Variants in SLCO2A1 observed in about 807,000 individuals in gnomAD.
The protein encoded by SLCO2A1 is solute carrier organic anion transporter family member 2A1, also known as matrin F/G 1.
A neutral mutation model predicts 71.7 loss-of-function variants in SLCO2A1; 60 were observed. That is an observed-to-expected ratio of 0.84 (90% confidence interval 0.68 to 1.04). The LOEUF (loss-of-function observed/expected upper bound fraction) is 1.04. SLCO2A1 is among the 50% of genes least tolerant of loss of function. The pLI is 0.00. For synonymous variants in SLCO2A1, 308 were observed against 326.7 expected (o/e 0.94, Z 0.62); for missense variants, 745 against 813.4 (o/e 0.92, Z 1.02).
chr3:133,946,261 T>C (rs892370331), intron 9 of SLCO2A1, among the ~76,000 whole-genome samples: 4 of 117,122 alleles, frequency 3.4e-5, no homozygotes, highest in African/African-American at 6.7e-5. Flanking sequence ...ACAGAGAAAA[T>C]ACCAGGGCTG....
At chr3:133,997,780 TGAAGG>T (rs1451299258) in intron 1 of SLCO2A1, among the ~76,000 whole-genome samples, 4 of 152,266 alleles carry the variant, frequency 2.6e-5, no homozygotes, top group Non-Finnish European at 5.9e-5. Flanking sequence ...AGGTTTGGCC[TGAAGG>T]CAAGGGTAAG....
rs61277186 is a variant in SLCO2A1, at chr3:134,018,503, C to T, written c.96+11204G>A. On this transcript the variant is annotated intron_variant, in intron 1 of 13. Coordinates refer to ENST00000310926, the MANE Select transcript of SLCO2A1 (RefSeq NM_005630.3). ...CAGAAGTCACCAGGGCCACCGAAGC[C>T]AAGCTGTGAGGTTTGCCTTTCCCTT... Among the ~76,000 whole-genome samples the T allele has an allele frequency of 3.5e-4, 54 of 152,284 alleles. No individual in the cohort carries two copies. The East Asian group carries it at 6.4e-3, about 18-fold the overall frequency.
At chr3:133,950,032 G>T (rs1169686571) in intron 6 of SLCO2A1, among the ~76,000 whole-genome samples, 2 of 151,848 alleles carry the variant, frequency 1.3e-5, no homozygotes, top group Non-Finnish European at 2.9e-5. Context: ...ATGGGGTCTC[G>T]CTATGTTGCC....
chr3:133,936,898 G>A (rs1933283108), intron 12 of SLCO2A1, among the ~76,000 whole-genome samples: 1 of 152,160 alleles, frequency 6.6e-6, no homozygotes, highest in Admixed American at 6.5e-5. Flanking sequence ...TAGAAGCAAA[G>A]TCCGGAAACA....
At chr3:133,999,391 G>T (rs997276575) in intron 1 of SLCO2A1, among the ~76,000 whole-genome samples, 1 of 152,156 alleles carries the variant, frequency 6.6e-6, no homozygotes, top group African/African-American at 2.4e-5. Flanking sequence ...TGCTAATTTT[G>T]CCCAGAAGGA....
chr3:134,027,645 C>T (rs1935725490), intron 1 of SLCO2A1, among the ~76,000 whole-genome samples: 2 of 152,194 alleles, frequency 1.3e-5, no homozygotes. Flanking sequence ...CCTGCTACAC[C>T]ACCATGTCAT....
chr3:133,972,973 C>T (rs77528420), intron 3 of SLCO2A1, among the ~76,000 whole-genome samples: 6,655 of 152,200 alleles, frequency 0.044, 481 homozygotes, highest in African/African-American at 0.15. Context: ...TAACCACTCA[C>T]TTATTTATAA....
Position 133,942,649 on chromosome 3 carries a change from C to T in SLCO2A1, c.1581G>A (p.Leu527=). The change falls in exon 11 of 14, where the codon CTG becomes CTA. Residue 527 remains leucine, a synonymous_variant. Coordinates refer to ENST00000310926, the MANE Select transcript of SLCO2A1 (RefSeq NM_005630.3). ...PAIFLISFVS[L]IACISHNPLY... ...GGGGGTTGTGGGAGATGCAGGCTATCAGGGACACGAAGGAGATGAGGAAGA... is the reference window on the plus strand; with the variant it reads ...GGGGGTTGTGGGAGATGCAGGCTATTAGGGACACGAAGGAGATGAGGAAGA... 1 of 1,613,684 alleles carries T rather than the reference C, an allele frequency of 6.2e-7. No homozygotes were observed. The highest frequency in any genetic ancestry group is 8.5e-7 in the Non-Finnish European group (1 of 1,179,890).
At chr3:134,013,915 C>T (rs1439621790) in intron 1 of SLCO2A1, among the ~76,000 whole-genome samples, 3 of 152,026 alleles carry the variant, frequency 2.0e-5, no homozygotes, top group Admixed American at 2.0e-4. Flanking sequence ...CTTGTCCTAC[C>T]CCTACATGGA....
chr3:134,008,103 G>A (rs1341468448), intron 1 of SLCO2A1, among the ~76,000 whole-genome samples: 2 of 152,152 alleles, frequency 1.3e-5, no homozygotes, highest in East Asian at 3.9e-4. Context: ...TCACAGTCGT[G>A]CTCCCCATAC....
intron 9 of SLCO2A1, among the ~76,000 whole-genome samples, chr3:133,947,023 G>A (rs1469682046): frequency 3.9e-5 from 6 of 152,050 alleles, no homozygotes; most frequent in Admixed American, 6.6e-5. Flanking sequence ...GCTGAGGCAT[G>A]AGAATTGCTT....
intron 1 of SLCO2A1, among the ~76,000 whole-genome samples, chr3:134,015,889 C>A (rs1166470703): frequency 2.1e-4 from 32 of 152,092 alleles, no homozygotes; most frequent in Admixed American, 2.1e-3. Context: ...GCCAACTGAT[C>A]TTTGACAAAG....
intron 1 of SLCO2A1, among the ~76,000 whole-genome samples, chr3:133,997,540 C>T (rs779708394): frequency 2.6e-5 from 4 of 152,200 alleles, no homozygotes; most frequent in Admixed American, 6.5e-5. Context: ...GAGGCAGAAG[C>T]TGGAGTAGGG....
intron 9 of SLCO2A1, among the ~76,000 whole-genome samples, chr3:133,946,065 C>CTAAACAAAG (rs1933567700): frequency 6.6e-6 from 1 of 152,064 alleles, no homozygotes; most frequent in Non-Finnish European, 1.5e-5. Flanking sequence ...GTGCTAAACT[C>CTAAACAAAG]CCAGTGGACG....
At chr3:134,018,327 T>C (rs1449886438) in intron 1 of SLCO2A1, among the ~76,000 whole-genome samples, 1 of 152,252 alleles carries the variant, frequency 6.6e-6, no homozygotes, top group Non-Finnish European at 1.5e-5. Flanking sequence ...AGCATGAATC[T>C]GGTTGCTGGG....
intron 1 of SLCO2A1, among the ~76,000 whole-genome samples, chr3:133,980,892 C>A (rs898462157): frequency 2.0e-5 from 3 of 152,232 alleles, no homozygotes; most frequent in African/African-American, 7.2e-5. Context: ...CTGACTGCCA[C>A]CTGAACCTGT....
intron 2 of SLCO2A1, among the ~76,000 whole-genome samples, chr3:133,974,974 C>T (rs1934412369): frequency 6.6e-6 from 1 of 152,190 alleles, no homozygotes; most frequent in Non-Finnish European, 1.5e-5. Context: ...ATGCTCAGTT[C>T]CATTTGACTC....
chr3:133,983,640 C>G (rs552600467), intron 1 of SLCO2A1, among the ~76,000 whole-genome samples: 1 of 152,348 alleles, frequency 6.6e-6, no homozygotes, highest in East Asian at 1.9e-4. Flanking sequence ...TGGATAACTT[C>G]CCCTGCCCTT....
intron 3 of SLCO2A1, among the ~76,000 whole-genome samples, chr3:133,958,007 G>A (rs1933937120): frequency 6.6e-6 from 1 of 152,198 alleles, no homozygotes; most frequent in African/African-American, 2.4e-5. Context: ...GAAGGCTGGT[G>A]CAGCTCAGTG....
Sources: gnomAD v4.1 joint callset for allele counts (sites outside exome capture counted in the v4.1 genomes callset) on GRCh38, gnomAD v4.1.1 for gene constraint, MANE v1.5 for transcripts, NCBI Gene and HGNC (gene_info 2026-07-23, HGNC 2026-07-21) for gene names.